Variants in PPP1R3A observed in about 807,000 individuals in gnomAD.
PPP1R3A encodes the protein RG1.
PPP1R3A carries 29 observed loss-of-function variants against 41.7 expected under a neutral mutation model. The observed-to-expected ratio is 0.70, with a 90% CI of 0.52 to 0.95. PPP1R3A has a LOEUF of 0.95. Among genes scored for constraint, PPP1R3A ranks in the 40% least tolerant of loss-of-function variants. PPP1R3A has a pLI of 0.00. For missense variants in PPP1R3A, 1,352 were observed against 1,292.4 expected, an observed-to-expected ratio of 1.05 and a Z score of -0.71; for synonymous variants, 485 against 453.4, an observed-to-expected ratio of 1.07 and a Z score of -0.89.
rs953175922 is a variant in PPP1R3A at position 113,877,164 on chromosome 7, G to T, written c.*559C>A. ...ATCAAGTATTACACTCAAGTGAACA[G>T]AATATGTTTAAGTTTGCATTTCAAT... On this transcript the variant is annotated 3_prime_UTR_variant, in exon 4 of 4. Coordinates refer to ENST00000284601, the MANE Select transcript of PPP1R3A (RefSeq NM_002711.4). 2.0e-5 allele frequency: 3 copies of T among 151,940 alleles called. No individual in the cohort carries two copies. Among genetic ancestry groups the T allele is most frequent in the Non-Finnish European group, 2.9e-5 (2 of 67,972 alleles). The allele number at this position is 151,940 out of a possible 1,614,324, so 9.4% of individuals were successfully genotyped here. A position where few individuals can be genotyped will look rare whatever the true frequency, so the allele number is the denominator to read the frequency against.
At position 113,918,402 on chromosome 7, in the gene PPP1R3A, G is replaced by C. The variant is rs1797376544; in HGVS notation, c.595C>G (p.Gln199Glu). 4.3e-6 allele frequency: 7 copies of C among 1,613,308 alleles called. 1 individual carries two copies. In the East Asian group the frequency reaches 1.6e-4, roughly 36 times the overall value. ...AACTCAACTTTACTGCCATCTTTTT[G>C]ATAAGGAGGAACCAATACAATCTTA... The part of the protein sequence containing the change: ...SFKIVLVPPY[Q>E]KDGSKVEFCI... The change falls in exon 1 of 4, where the codon CAA (glutamine) becomes GAA (glutamate). Residue 199 changes from glutamine to glutamate, a missense_variant. Physicochemically the swap from Gln to Glu is conservative, Grantham distance 29. Coordinates refer to ENST00000284601, the MANE Select transcript of PPP1R3A (RefSeq NM_002711.4).
intron 1 of PPP1R3A, among the ~76,000 whole-genome samples, 168 bp downstream of exon 1, chr7:113,918,047 G>A (rs187050439): frequency 1.4e-4 from 22 of 152,158 alleles, no homozygotes; most frequent in African/African-American, 4.8e-4. Context: ...GGGTTACACA[G>A]TGCTATTATT....
In PPP1R3A at chr7:113,878,436, G is replaced by C. The variant is rs1368198305; in HGVS notation, c.2656C>G (p.Gln886Glu). 6.2e-7 allele frequency: 1 copy of C among 1,611,992 alleles called. No homozygotes were observed. Among genetic ancestry groups the C allele is most frequent in the Admixed American group, 1.7e-5 (1 of 59,826 alleles). The change falls in exon 4 of 4, where the codon CAA becomes GAA. Residue 886 changes from glutamine (Q) to glutamate (E), a missense_variant. Coordinates refer to ENST00000284601, the MANE Select transcript of PPP1R3A (RefSeq NM_002711.4). Reference protein sequence around the residue: ...FSENRDLRQVQELSKKTDSDA... With the variant: ...FSENRDLRQVEELSKKTDSDA... ...GAGTCTGTTTTCTTTGATAATTCTT[G>C]AACCTGCCTAAGATCTCTGTTTTCT...
intron 1 of PPP1R3A, among the ~76,000 whole-genome samples, chr7:113,896,639 G>T (rs550054976): frequency 4.0e-5 from 6 of 151,658 alleles, no homozygotes; most frequent in Non-Finnish European, 8.8e-5. Flanking sequence ...ATGGAATACC[G>T]AAAAAGAGAG....
intron 1 of PPP1R3A, among the ~76,000 whole-genome samples, chr7:113,907,193 G>GT (rs1323448392): frequency 6.6e-6 from 1 of 151,592 alleles, no homozygotes; most frequent in Non-Finnish European, 1.5e-5. Flanking sequence ...ATAATGTATT[G>GT]TTTTTATCAC....
At chr7:113,880,438 A>T (rs1796672547) in intron 3 of PPP1R3A, among the ~76,000 whole-genome samples, 1 of 152,050 alleles carries the variant, frequency 6.6e-6, no homozygotes, top group African/African-American at 2.4e-5. Flanking sequence ...GACTATACAC[A>T]TTGATAGCTC....
intron 1 of PPP1R3A, among the ~76,000 whole-genome samples, chr7:113,887,779 C>T (rs533712861): frequency 3.9e-5 from 6 of 152,142 alleles, no homozygotes; most frequent in African/African-American, 1.4e-4. Context: ...GCCTATAATC[C>T]CAGCACTTTG....
chr7:113,903,061 T>A (rs1362530182), intron 1 of PPP1R3A, among the ~76,000 whole-genome samples: 1 of 151,742 alleles, frequency 6.6e-6, no homozygotes, highest in East Asian at 1.9e-4. Flanking sequence ...TTAACCAAGA[T>A]CCCTACCCTC....
intron 1 of PPP1R3A, among the ~76,000 whole-genome samples, chr7:113,882,971 C>G (rs181888731): frequency 6.6e-6 from 1 of 152,002 alleles, no homozygotes; most frequent in Admixed American, 6.6e-5. Context: ...CATTTATATG[C>G]AAGCATATAC....
rs79638782 is a variant in PPP1R3A, at chr7:113,892,305, A to T, written c.783-9985T>A. 8.5e-5 allele frequency among the ~76,000 whole-genome samples: 13 copies of T among 152,194 alleles called. No individual in the cohort carries two copies. In the East Asian group the frequency reaches 2.5e-3, roughly 29 times the overall value. On this transcript the variant is annotated intron_variant, in intron 1 of 3. Transcript: ENST00000284601. ...CAAGAGTAGTATGTCATTGGCACTA[A>T]GTGGACACATACAGAAATGTCGAAC...
At chr7:113,908,252 A>G (rs543555479) in intron 1 of PPP1R3A, among the ~76,000 whole-genome samples, 5 of 152,018 alleles carry the variant, frequency 3.3e-5, no homozygotes, top group Admixed American at 2.6e-4. Context: ...TAACATATGA[A>G]CTCTCTGAAG....
At position 113,879,816 on chromosome 7, in the gene PPP1R3A, C is replaced by T. The variant is rs1796656425; in HGVS notation, c.1276G>A (p.Glu426Lys). 2.5e-6 allele frequency: 4 copies of T among 1,613,258 alleles called. No individual in the cohort carries two copies. The highest frequency in any genetic ancestry group is 3.4e-6 in the Non-Finnish European group (4 of 1,179,544). Residue 426 changes from glutamate to lysine, a missense_variant, in exon 4 of 4, where the codon GAA becomes AAA. Coordinates refer to ENST00000284601, the MANE Select transcript of PPP1R3A (RefSeq NM_002711.4). The part of the protein sequence containing the change: ...KPSLGDTSSD[E>K]LVQLHTGSKE... ...CTGCCAGTATGTAATTGCACTAGTT[C>T]ATCACTACTAGTATCTCCCAATGAT...
chr7:113,905,764 C>G (rs1797135904), intron 1 of PPP1R3A, among the ~76,000 whole-genome samples: 1 of 151,792 alleles, frequency 6.6e-6, no homozygotes, highest in Non-Finnish European at 1.5e-5. Context: ...AGTAGAGTGT[C>G]TAGGGATGCC....
chr7:113,918,486 CATA>C lies in PPP1R3A; in HGVS notation c.508_510del (p.Tyr170del), dbSNP rs746226352. The stretch of plus-strand genomic sequence containing the variant: ...TTAGGAACATATTCTGCTAAAATGT[CATA>C]ATGTGTCTGCCAGTCATCTAAAGAC... On this transcript the variant is annotated inframe_deletion, in exon 1 of 4. Transcript: ENST00000284601. 6.2e-7 allele frequency: 1 copy of C among 1,613,140 alleles called. No individual in the cohort carries two copies. The highest frequency in any genetic ancestry group is 8.5e-7 in the Non-Finnish European group (1 of 1,179,642).
Position 113,878,083 on chromosome 7 carries a change from A to G in PPP1R3A, c.3009T>C (p.Ser1003=), listed in dbSNP as rs745416131. ...TCATTGGCCCTAGAGATTTTTCCAC[A>G]CTATACTCTTCTGTTTGGAAAATCT... The part of the protein sequence containing the change: ...IGQIFQTEEY[S]VEKSLGPMIL... The change falls in exon 4 of 4, where the codon AGT becomes AGC. Residue 1003 remains serine, a synonymous_variant. Transcript: ENST00000284601. 24 of 1,613,278 alleles carry G rather than the reference A, an allele frequency of 1.5e-5. No homozygotes were observed. The South Asian group carries it at 2.1e-4, about 14-fold the overall frequency.
chr7:113,894,562 G>T (rs777267602), intron 1 of PPP1R3A, among the ~76,000 whole-genome samples: 3 of 151,886 alleles, frequency 2.0e-5, no homozygotes, highest in African/African-American at 2.4e-5. Context: ...TCCTCACAAC[G>T]TAAGTGCTGA....
chr7:113,877,685 A>C lies in PPP1R3A; in HGVS notation c.*38T>G, dbSNP rs1381103350. 6.6e-7 allele frequency: 1 copy of C among 1,513,010 alleles called. No homozygotes were observed. The highest frequency in any genetic ancestry group is 2.3e-5 in the East Asian group (1 of 44,056). The allele number at this position is 1,513,010 out of a possible 1,614,324, so 93.7% of individuals were successfully genotyped here. On this transcript the variant is annotated 3_prime_UTR_variant, in exon 4 of 4. Transcript: ENST00000284601. ...TCACCAATCCAAATGTTTGGGGTTA[A>C]ATAGCTTATCTTTTAAGAGAGAATA...
intron 1 of PPP1R3A, among the ~76,000 whole-genome samples, chr7:113,906,712 C>T (rs1192029479): frequency 6.6e-6 from 1 of 151,750 alleles, no homozygotes; most frequent in Non-Finnish European, 1.5e-5. Flanking sequence ...TCAGAGTTAT[C>T]TATGAGAAAA....
At chr7:113,906,183 G>A (rs1293571560) in intron 1 of PPP1R3A, among the ~76,000 whole-genome samples, 2 of 151,778 alleles carry the variant, frequency 1.3e-5, no homozygotes, top group Non-Finnish European at 2.9e-5. Context: ...TCTACAAGAT[G>A]TTACAATGAT....
Sources: gnomAD v4.1 joint callset for allele counts (sites outside exome capture counted in the v4.1 genomes callset) on GRCh38, gnomAD v4.1.1 for gene constraint, MANE v1.5 for transcripts, NCBI Gene and HGNC (gene_info 2026-07-23, HGNC 2026-07-21) for gene names.